Variants in CUX2 observed in about 807,000 individuals in gnomAD.
CUX2 encodes the protein cut like homeobox 2, also known as homeobox protein cut-like 2.
Under a neutral mutation model 144.8 loss-of-function variants are expected in CUX2, and 40 were observed. That is an observed-to-expected ratio of 0.28 (90% CI 0.21 to 0.36). The LOEUF is 0.36. Among genes scored for constraint, CUX2 ranks in the 10% least tolerant of loss-of-function variants. CUX2 has a pLI of 1.00. For synonymous variants in CUX2, 827 were observed against 875.6 expected (o/e 0.94, Z 0.98); for missense variants, 1,615 against 1,994.0 (o/e 0.81, Z 3.62).
chr12:111,272,925 G>A (rs1288209536), intron 4 of CUX2, among the ~76,000 whole-genome samples: 2 of 152,168 alleles, frequency 1.3e-5, no homozygotes, highest in Non-Finnish European at 1.5e-5. Flanking sequence ...GCATCCAGCC[G>A]GGTGCTGCTG....
chr12:111,338,587 C>T (rs1888453705), intron 20 of CUX2, 113 bp downstream of exon 20: 1 of 957,350 alleles, frequency 1.0e-6, no homozygotes, highest in Non-Finnish European at 1.5e-6. Context: ...TCTCAGCCTA[C>T]TATGGGACTG....
intron 4 of CUX2, among the ~76,000 whole-genome samples, chr12:111,285,349 A>G (rs1280161315): frequency 6.6e-6 from 1 of 152,192 alleles, no homozygotes; most frequent in Non-Finnish European, 1.5e-5. Context: ...TCAAATTCCC[A>G]GGGCAGAGCA....
At position 111,066,806 on chromosome 12, in the gene CUX2, A is replaced by G. The variant is rs1871040427; in HGVS notation, c.63+32566A>G. On this transcript the variant is annotated intron_variant, in intron 1 of 21. Coordinates refer to ENST00000261726, the MANE Select transcript of CUX2 (RefSeq NM_015267.4). ...TCAACTCCCAGCTCTGCCTTTTACAAGCTGTGTGATCTTGAGTGAGCCTCT... is the reference window on the plus strand; with the variant it reads ...TCAACTCCCAGCTCTGCCTTTTACAGGCTGTGTGATCTTGAGTGAGCCTCT... Among the ~76,000 whole-genome samples the G allele has an allele frequency of 3.3e-5, 5 of 152,282 alleles. No homozygotes were observed. In the South Asian group the frequency reaches 1.0e-3, roughly 32 times the overall value.
At chr12:111,128,152 A>G (rs983550394) in intron 1 of CUX2, among the ~76,000 whole-genome samples, 4 of 152,226 alleles carry the variant, frequency 2.6e-5, no homozygotes, top group African/African-American at 7.2e-5. Flanking sequence ...GTCCCTGACC[A>G]TCGAACCAAA....
At chr12:111,227,600 G>A (rs1471836322) in intron 3 of CUX2, among the ~76,000 whole-genome samples, 1 of 152,128 alleles carries the variant, frequency 6.6e-6, no homozygotes, top group African/African-American at 2.4e-5. Context: ...ATAGCTTCTG[G>A]GGTTGGGGCA....
chr12:111,275,575 G>C (rs1884834793), intron 4 of CUX2, among the ~76,000 whole-genome samples: 1 of 152,328 alleles, frequency 6.6e-6, no homozygotes, highest in African/African-American at 2.4e-5. Flanking sequence ...CGGATGCCCT[G>C]TCACTTCTCC....
intron 3 of CUX2, among the ~76,000 whole-genome samples, chr12:111,221,759 A>G (rs1881871799): frequency 6.6e-6 from 1 of 151,584 alleles, no homozygotes. Context: ...TTTATATTAT[A>G]TATGTGTGGG....
intron 1 of CUX2, among the ~76,000 whole-genome samples, chr12:111,114,753 A>G: frequency 6.6e-6 from 1 of 152,114 alleles, no homozygotes; most frequent in East Asian, 1.9e-4. Flanking sequence ...AGCTCCAAAG[A>G]TATTCTCCTA....
chr12:111,214,488 G>T (rs1881422625), intron 2 of CUX2, among the ~76,000 whole-genome samples, 178 bp downstream of exon 2: 1 of 152,204 alleles, frequency 6.6e-6, no homozygotes, highest in Non-Finnish European at 1.5e-5. Context: ...GTGCTCAGCG[G>T]TGCCTACTGA....
At chr12:111,093,621 G>T (rs759283328) in intron 1 of CUX2, among the ~76,000 whole-genome samples, 2 of 152,176 alleles carry the variant, frequency 1.3e-5, no homozygotes, top group Non-Finnish European at 2.9e-5. Context: ...GGGCAGCAGG[G>T]CTGGGGCCAG....
At chr12:111,237,054 TAGG>T (rs1484983772) in intron 3 of CUX2, among the ~76,000 whole-genome samples, 4 of 151,992 alleles carry the variant, frequency 2.6e-5, no homozygotes, top group African/African-American at 9.7e-5. Flanking sequence ...GAGGCTGAGG[TAGG>T]AGGATCGCTT....
chr12:111,343,803 G>A (rs986826881), intron 21 of CUX2, among the ~76,000 whole-genome samples: 5 of 152,216 alleles, frequency 3.3e-5, no homozygotes, highest in Non-Finnish European at 7.3e-5. Flanking sequence ...GCTCACACCT[G>A]TAATCGCAGC....
In CUX2 at chr12:111,277,912, G is replaced by A. The variant is rs1884954733; in HGVS notation, c.302-13506G>A. Among the ~76,000 whole-genome samples, 2 of 152,334 alleles carry A rather than the reference G, an allele frequency of 1.3e-5. No homozygotes were observed. Among genetic ancestry groups the A allele is most frequent in the Admixed American group, 1.3e-4 (2 of 15,308 alleles). On this transcript the variant is annotated intron_variant, in intron 4 of 21. Transcript: ENST00000261726. The surrounding 1 kb of genome is among the most constrained non-coding windows in gnomAD (Gnocchi z 5.0). Reference sequence around the variant, plus strand: ...TGGGTCTCACTGGGCAACAATCAAAGCATTCGCAGGGCCGGGTTGTTTCTG... The same window carrying A: ...TGGGTCTCACTGGGCAACAATCAAAACATTCGCAGGGCCGGGTTGTTTCTG...
chr12:111,319,902 A>T, intron 16 of CUX2, 110 bp from the exon 17 acceptor site: 1 of 1,372,040 alleles, frequency 7.3e-7, no homozygotes, highest in Non-Finnish European at 9.4e-7. Context: ...TGCTGGACAC[A>T]GAGGTTGCCT....
intron 21 of CUX2, 103 bp downstream of exon 21, chr12:111,342,156 G>A: frequency 3.0e-6 from 4 of 1,350,018 alleles, no homozygotes; most frequent in Non-Finnish European, 3.0e-6. Flanking sequence ...TCTGGGAGAT[G>A]GAAGACCCCA....
At position 111,347,575 on chromosome 12, in the gene CUX2, CCTT is replaced by C; in HGVS notation, c.3712_3714del (p.Leu1238del). The C allele has an allele frequency of 1.9e-6, 3 of 1,612,760 alleles. No homozygotes were observed. The highest frequency in any genetic ancestry group is 2.5e-6 in the Non-Finnish European group (3 of 1,179,528). ...TGGAGGGGACCCAGGATGAGCCAGA[CCTT>C]GATCCAAGCGGGGGTCCTGGAATCC... On this transcript the variant is annotated inframe_deletion, in exon 22 of 22. Coordinates refer to ENST00000261726, the MANE Select transcript of CUX2 (RefSeq NM_015267.4).
chr12:111,211,913 C>T (rs1881255339), intron 1 of CUX2, among the ~76,000 whole-genome samples: 1 of 151,414 alleles, frequency 6.6e-6, no homozygotes, highest in East Asian at 1.9e-4. Flanking sequence ...GTGTCAGACA[C>T]ACAATAATCC....
At chr12:111,219,315 GA>G (rs1358546977) in intron 3 of CUX2, among the ~76,000 whole-genome samples, 1 of 147,928 alleles carries the variant, frequency 6.8e-6, no homozygotes, top group Non-Finnish European at 1.5e-5. Flanking sequence ...GGGCTTGGAA[GA>G]AAAAAACTAG....
intron 1 of CUX2, among the ~76,000 whole-genome samples, chr12:111,138,613 C>T (rs1436062537): frequency 6.6e-6 from 1 of 152,086 alleles, no homozygotes; most frequent in Non-Finnish European, 1.5e-5. Context: ...CCCTACCACC[C>T]TTCTTGATTG....
Sources: gnomAD v4.1 joint callset for allele counts (sites outside exome capture counted in the v4.1 genomes callset) on GRCh38, gnomAD v4.1.1 for gene constraint, Gnocchi (gnomAD v3.1) non-coding constraint, MANE v1.5 for transcripts, NCBI Gene and HGNC (gene_info 2026-07-23, HGNC 2026-07-21) for gene names.